PPM1H: variants seen among roughly 807,000 people sequenced by gnomAD.
The protein encoded by PPM1H is protein phosphatase 1H.
PPM1H carries 27 observed loss-of-function variants against 54.9 expected under a neutral mutation model. The observed-to-expected ratio is 0.49, with a 90% CI of 0.36 to 0.68. The LOEUF (loss-of-function observed/expected upper bound fraction) is 0.68. PPM1H is among the 30% of genes least tolerant of loss of function. PPM1H has a pLI of 0.00. For synonymous variants in PPM1H, 305 were observed against 270.8 expected (o/e 1.13, Z -1.24); for missense variants, 596 against 667.8 (o/e 0.89, Z 1.19).
chr12:62,806,634 G>A (rs1481291881), intron 2 of PPM1H, among the ~76,000 whole-genome samples: 1 of 152,106 alleles, frequency 6.6e-6, no homozygotes, highest in East Asian at 1.9e-4. Context: ...TTAAAAGTGT[G>A]TAGCACCTCC....
rs1565750143 is a variant in PPM1H at position 62,667,338 on chromosome 12, A to T, written c.1246-9T>A. ...AGATCGTAGATTCTTACCTGAAAAA[A>T]AACAAGAATACTACCACTTAAGAAA... On this transcript the variant is annotated splice_polypyrimidine_tract_variant and intron_variant, in intron 8 of 9. Transcript: ENST00000228705. The T allele has an allele frequency of 6.4e-7, 1 of 1,560,806 alleles. No homozygotes were observed. The highest frequency in any genetic ancestry group is 1.4e-5 in the African/African-American group (1 of 73,310).
At chr12:62,876,136 C>A (rs1160718456) in intron 1 of PPM1H, among the ~76,000 whole-genome samples, 1 of 152,118 alleles carries the variant, frequency 6.6e-6, no homozygotes, top group East Asian at 1.9e-4. Flanking sequence ...AAATCAGGAT[C>A]TGATAATCTG....
rs2075797624 is a variant in PPM1H, at chr12:62,648,273, C to T, written c.*216G>A. 1.3e-5 allele frequency: 7 copies of T among 545,534 alleles called. No individual in the cohort carries two copies. The East Asian group carries it at 2.2e-4, about 17-fold the overall frequency. 33.8% of individuals were successfully genotyped at this position (545,534 alleles called of 1,614,324 possible). A position where few individuals can be genotyped will look rare whatever the true frequency, so the allele number is the denominator to read the frequency against. ...AAATACAACAACACTTGGTAGCAGC[C>T]TTTGTGTTTTGCTCTTGTTGAGTTG... On this transcript the variant is annotated 3_prime_UTR_variant, in exon 10 of 10. Coordinates refer to ENST00000228705, the MANE Select transcript of PPM1H (RefSeq NM_020700.2).
intron 1 of PPM1H, among the ~76,000 whole-genome samples, chr12:62,914,954 C>T (rs1039594793): frequency 6.6e-6 from 1 of 152,204 alleles, no homozygotes; most frequent in Non-Finnish European, 1.5e-5. Flanking sequence ...GTACTTCACC[C>T]TTCATCTGTT....
chr12:62,754,619 A>ATCC (rs1330273899), intron 4 of PPM1H, among the ~76,000 whole-genome samples: 2 of 152,176 alleles, frequency 1.3e-5, no homozygotes, highest in Non-Finnish European at 2.9e-5. Context: ...GGGCTAGTGA[A>ATCC]AGAAAGCAGC....
At chr12:62,806,439 T>G (rs755435611) in intron 2 of PPM1H, among the ~76,000 whole-genome samples, 2 of 152,164 alleles carry the variant, frequency 1.3e-5, no homozygotes, top group Non-Finnish European at 2.9e-5. Context: ...GGCCTGATCT[T>G]AATAGTCCAG....
intron 1 of PPM1H, among the ~76,000 whole-genome samples, chr12:62,876,786 G>T (rs369946712): frequency 1.3e-5 from 2 of 152,186 alleles, no homozygotes; most frequent in South Asian, 2.1e-4. Context: ...GCTGAATTTA[G>T]CCACCTTAGT....
chr12:62,863,643 T>G (rs557632170), intron 1 of PPM1H, among the ~76,000 whole-genome samples: 70 of 152,320 alleles, frequency 4.6e-4, no homozygotes, highest in Non-Finnish European at 9.6e-4. Context: ...TAAGAGTTAA[T>G]CTGACTCTTA....
At chr12:62,717,070 C>T (rs568319089) in intron 6 of PPM1H, among the ~76,000 whole-genome samples, 1 of 152,298 alleles carries the variant, frequency 6.6e-6, no homozygotes, top group South Asian at 2.1e-4. Context: ...AATTCCTGGA[C>T]TCAACTGATC....
chr12:62,724,967 A>C (rs1311329227), intron 5 of PPM1H, among the ~76,000 whole-genome samples: 1 of 152,194 alleles, frequency 6.6e-6, no homozygotes, highest in Non-Finnish European at 1.5e-5. Flanking sequence ...TCCACACAGA[A>C]GTGTTGTGTG....
At chr12:62,845,513 G>A (rs1363027243) in intron 1 of PPM1H, among the ~76,000 whole-genome samples, 1 of 152,182 alleles carries the variant, frequency 6.6e-6, no homozygotes, top group Non-Finnish European at 1.5e-5. Flanking sequence ...GACCATATAT[G>A]AGGTATGGAA....
intron 8 of PPM1H, among the ~76,000 whole-genome samples, chr12:62,685,238 T>G (rs1390535534): frequency 6.6e-6 from 1 of 152,214 alleles, no homozygotes; most frequent in Non-Finnish European, 1.5e-5. Context: ...CCCTTTCTAC[T>G]ATACCATCAT....
intron 1 of PPM1H, among the ~76,000 whole-genome samples, chr12:62,915,386 GTGGTTCAA>G (rs1476845887): frequency 8.5e-5 from 13 of 152,234 alleles, no homozygotes; most frequent in African/African-American, 2.9e-4. Flanking sequence ...TGCTCCCTGC[GTGGTTCAA>G]TCAGGAATGG....
At chr12:62,738,496 A>G (rs1185699452) in intron 4 of PPM1H, among the ~76,000 whole-genome samples, 1 of 152,124 alleles carries the variant, frequency 6.6e-6, no homozygotes, top group African/African-American at 2.4e-5. Flanking sequence ...TCTATAGGAG[A>G]GGCTGCAGGA....
chr12:62,770,675 G>A (rs986227072), intron 4 of PPM1H, among the ~76,000 whole-genome samples: 1 of 152,108 alleles, frequency 6.6e-6, no homozygotes, highest in Non-Finnish European at 1.5e-5. Context: ...CATGACAAGG[G>A]TGTGGTGGGG....
intron 1 of PPM1H, among the ~76,000 whole-genome samples, chr12:62,867,109 AGACAGT>A: frequency 6.6e-6 from 1 of 152,314 alleles, no homozygotes; most frequent in East Asian, 1.9e-4. Context: ...ACAGAACTTA[AGACAGT>A]GCATGGTAAT....
intron 8 of PPM1H, among the ~76,000 whole-genome samples, chr12:62,686,186 C>A (rs2076050529): frequency 6.6e-6 from 1 of 152,198 alleles, no homozygotes; most frequent in African/African-American, 2.4e-5. Context: ...TCCATGCAGG[C>A]CCAAGTTTTA....
At chr12:62,855,022 C>A (rs186161802) in intron 1 of PPM1H, among the ~76,000 whole-genome samples, 1 of 152,038 alleles carries the variant, frequency 6.6e-6, no homozygotes, top group African/African-American at 2.4e-5. Context: ...CAGCCACTTT[C>A]CAGAGTCAAA....
chr12:62,714,563 C>A (rs1458149541), intron 6 of PPM1H, among the ~76,000 whole-genome samples: 1 of 152,118 alleles, frequency 6.6e-6, no homozygotes, highest in Non-Finnish European at 1.5e-5. Flanking sequence ...AGCCTACCCC[C>A]TGCCGCCACC....
Sources: allele counts gnomAD v4.1 joint callset (sites outside exome capture counted in the v4.1 genomes callset), GRCh38; gene constraint gnomAD v4.1.1; transcripts MANE v1.5; gene names NCBI Gene and HGNC (gene_info 2026-07-23, HGNC 2026-07-21).